The following AKNAD1 variants were observed in gnomAD, a reference collection of about 807,000 sequenced individuals.
The protein encoded by AKNAD1 is protein AKNAD1.
AKNAD1 carries 67 observed loss-of-function variants against 90.8 expected under a neutral mutation model. The ratio of observed to expected loss-of-function variants is 0.74; its 90% CI spans 0.61 to 0.90. The LOEUF (loss-of-function observed/expected upper bound fraction) is 0.90. AKNAD1 is among the 40% of genes least tolerant of loss of function. The pLI, the probability that AKNAD1 is intolerant of heterozygous loss-of-function variation, is 0.00. For missense variants in AKNAD1, 957 were observed against 975.4 expected (o/e 0.98, Z 0.25); for synonymous variants, 327 against 341.4 (o/e 0.96, Z 0.46).
chr1:108,829,229 G>C (rs1000818691), intron 10 of AKNAD1, among the ~76,000 whole-genome samples: 3 of 151,612 alleles, frequency 2.0e-5, no homozygotes, highest in African/African-American at 7.2e-5. Flanking sequence ...GATTCACTGT[G>C]AGATTTGATT....
rs201317356 is a variant in AKNAD1 at position 108,823,461 on chromosome 1, G to A, written c.2076C>T (p.Tyr692=). 3.6e-5 allele frequency: 58 copies of A among 1,613,952 alleles called. No individual in the cohort carries two copies. Among genetic ancestry groups the A allele is most frequent in the Non-Finnish European group, 4.5e-5 (53 of 1,179,818 alleles). ...TTGAGTAATTCTGTCCTGGAGTGTTGTATCTATAATGAAATTCTGGGAAGA... is the reference window on the plus strand; with the variant it reads ...TTGAGTAATTCTGTCCTGGAGTGTTATATCTATAATGAAATTCTGGGAAGA... ...KEPTKEFHYR[Y]NTPGQNYSNH... is the part of the protein sequence containing the mutation. Residue 692 remains tyrosine (Y), a synonymous_variant, in exon 13 of 16, where the codon TAC becomes TAT. Transcript: ENST00000370001.
chr1:108,853,903 T>C (rs1212525212), intron 1 of AKNAD1, among the ~76,000 whole-genome samples: 2 of 151,018 alleles, frequency 1.3e-5, no homozygotes, highest in African/African-American at 4.9e-5. Flanking sequence ...GCCACTGCAC[T>C]CCAGCCTAGG....
chr1:108,834,534 T>TAA lies in AKNAD1; in HGVS notation c.1665-7_1665-6insTT. The TAA allele has an allele frequency of 6.9e-7, 1 of 1,459,712 alleles. No individual in the cohort carries two copies. Among genetic ancestry groups the TAA allele is most frequent in the Non-Finnish European group, 9.0e-7 (1 of 1,107,234 alleles). The allele number at this position is 1,459,712 out of a possible 1,614,324, so 90.4% of individuals were successfully genotyped here. A position where few individuals can be genotyped will look rare whatever the true frequency, so the allele number is the denominator to read the frequency against. ...CATAATGACCGTTTAGGTAACTAAT[T>TAA]TAAAAAAAAAAAAAGCAGTTTGAAT... On this transcript the variant is annotated splice_region_variant and splice_polypyrimidine_tract_variant and intron_variant, in intron 8 of 15. Coordinates refer to ENST00000370001, the MANE Select transcript of AKNAD1 (RefSeq NM_152763.5).
chr1:108,825,755 C>CT (rs5776949), intron 11 of AKNAD1, among the ~76,000 whole-genome samples: 18 of 150,362 alleles, frequency 1.2e-4, no homozygotes, highest in African/African-American at 3.6e-4. Flanking sequence ...TTCCAAGGCG[C>CT]TTTTTTTTTA....
chr1:108,824,300 G>A (rs549155625), intron 11 of AKNAD1, among the ~76,000 whole-genome samples: 25 of 152,286 alleles, frequency 1.6e-4, no homozygotes, highest in African/African-American at 5.1e-4. Flanking sequence ...GGGGCCAGGC[G>A]GGTGAGCATG....
chr1:108,852,899 A>ATGATGCG, intron 1 of AKNAD1, 132 bp from the exon 2 acceptor site: 1 of 363,816 alleles, frequency 2.7e-6, no homozygotes. Flanking sequence ...CTCAACCACA[A>ATGATGCG]GCTGACCCAA....
chr1:108,858,089 G>A (rs1665098433), upstream of AKNAD1: 1 of 152,620 alleles, frequency 6.6e-6, no homozygotes, highest in African/African-American at 2.4e-5. Flanking sequence ...TATCACAGGT[G>A]AACAAGTTGA....
chr1:108,856,053 A>G (rs1258076131), intron 1 of AKNAD1, among the ~76,000 whole-genome samples: 1 of 151,594 alleles, frequency 6.6e-6, no homozygotes, highest in African/African-American at 2.4e-5. Flanking sequence ...GAGTTTCACC[A>G]TGTTATTCAG....
intron 9 of AKNAD1, among the ~76,000 whole-genome samples, chr1:108,830,977 C>G (rs1664179552): frequency 6.6e-6 from 1 of 152,208 alleles, no homozygotes; most frequent in Non-Finnish European, 1.5e-5. Flanking sequence ...TGACAGAATA[C>G]TCTCCCCTTT....
chr1:108,831,371 T>C, intron 9 of AKNAD1, among the ~76,000 whole-genome samples: 1 of 152,226 alleles, frequency 6.6e-6, no homozygotes, highest in South Asian at 2.1e-4. Context: ...CCTGAGGAAA[T>C]GTCTGGGCCA....
chr1:108,826,176 A>G (rs745447164), intron 11 of AKNAD1, among the ~76,000 whole-genome samples: 5 of 151,770 alleles, frequency 3.3e-5, no homozygotes, highest in Non-Finnish European at 7.4e-5. Context: ...TCATCTACAG[A>G]GAAGCCAGTG....
In AKNAD1 at chr1:108,851,961, T is replaced by C. The variant is rs772310438; in HGVS notation, c.704A>G (p.Lys235Arg). 4 of 1,614,230 alleles carry C rather than the reference T, an allele frequency of 2.5e-6. No homozygotes were observed. The highest frequency in any genetic ancestry group is 3.4e-6 in the Non-Finnish European group (4 of 1,180,046). The change falls in exon 2 of 16, where the codon AAA becomes AGA. Residue 235 changes from lysine (K) to arginine (R), a missense_variant. Lys to Arg is a conservative substitution (Grantham distance 26). Transcript: ENST00000370001. Reference protein sequence around the residue: ...QKSYQGQSPQKQQTEKANSGN... With the variant: ...QKSYQGQSPQRQQTEKANSGN... Reference sequence around the variant, plus strand: ...TGAATTTGCTTTTTCAGTCTGCTGTTTCTGGGGTGACTGCCCTTGATAACT... The same window carrying C: ...TGAATTTGCTTTTTCAGTCTGCTGTCTCTGGGGTGACTGCCCTTGATAACT...
intron 2 of AKNAD1, 48 bp downstream of exon 2, chr1:108,851,624 T>C (rs778234297): frequency 6.7e-6 from 10 of 1,496,764 alleles, no homozygotes; most frequent in Admixed American, 6.7e-5. Context: ...CTGAAAGAGA[T>C]AAGCAGTGGT....
At chr1:108,819,919 CAAAAA>C (rs71591113) in intron 14 of AKNAD1, among the ~76,000 whole-genome samples, 6 of 129,046 alleles carry the variant, frequency 4.6e-5, no homozygotes, top group Admixed American at 8.1e-5. Flanking sequence ...GAATTAACAG[CAAAAA>C]AAAAAAAAAA....
chr1:108,820,555 T>C lies in AKNAD1; in HGVS notation c.2239A>G (p.Thr747Ala). Reference protein sequence around the residue: ...SKSFKGEHEPTPGKKKLQAFM... With the variant: ...SKSFKGEHEPAPGKKKLQAFM... ...TGAAATAATACTTACTTTCCTGGTG[T>C]GGGCTCATGTTCACCTTTAAAGGAT... Residue 747 changes from threonine to alanine, a missense_variant, in exon 14 of 16, where the codon ACA becomes GCA. By Grantham distance (58) the Thr-to-Ala change is moderately conservative. Coordinates refer to ENST00000370001, the MANE Select transcript of AKNAD1 (RefSeq NM_152763.5). 4 of 1,602,884 alleles carry C rather than the reference T, an allele frequency of 2.5e-6. No individual in the cohort carries two copies. The highest frequency in any genetic ancestry group is 2.6e-6 in the Non-Finnish European group (3 of 1,170,472).
chr1:108,837,814 G>T, intron 6 of AKNAD1, 108 bp from the exon 7 acceptor site: 1 of 1,254,370 alleles, frequency 8.0e-7, no homozygotes, highest in Non-Finnish European at 1.1e-6. Flanking sequence ...AATGTGGCCT[G>T]TCTTCTGTCA....
Position 108,851,937 on chromosome 1 carries a change from GA to G in AKNAD1, c.727del (p.Ser243GlnfsTer26). The G allele has an allele frequency of 1.2e-6, 2 of 1,614,248 alleles. No individual in the cohort carries two copies. The highest frequency in any genetic ancestry group is 2.2e-5 in the South Asian group (2 of 91,092). ...TTGGCCGTATTTGAACGTGTTGCCT[GA>G]ATTTGCTTTTTCAGTCTGCTGTTTC... Reference protein sequence around the residue: ...PQKQQTEKANSGNTFKYGQGQ... With the variant: ...PQKQQTEKANXGNTFKYGQGQ... On this transcript the variant is annotated frameshift_variant, in exon 2 of 16. Coordinates refer to ENST00000370001, the MANE Select transcript of AKNAD1 (RefSeq NM_152763.5). LOFTEE classifies it high-confidence loss of function.
chr1:108,856,325 T>A (rs1448623821), intron 1 of AKNAD1, among the ~76,000 whole-genome samples: 1 of 152,174 alleles, frequency 6.6e-6, no homozygotes, highest in Non-Finnish European at 1.5e-5. Flanking sequence ...AAAGGAAAGA[T>A]ACTTTGTTGG....
In AKNAD1 at chr1:108,818,784, G is replaced by A. The variant is rs571539679; in HGVS notation, c.2250-1607C>T. 9.2e-5 allele frequency among the ~76,000 whole-genome samples: 14 copies of A among 151,970 alleles called. 1 individual carries two copies. Among genetic ancestry groups the A allele is most frequent in the African/African-American group, 2.4e-4 (10 of 41,424 alleles). ...TGGAGCCCAGCCTGGTCAACATAGC[G>A]AAACCCCGTCTCTACTAAAAATACA... On this transcript the variant is annotated intron_variant, in intron 14 of 15. Transcript: ENST00000370001.
Sources: gnomAD v4.1 joint callset for allele counts (sites outside exome capture counted in the v4.1 genomes callset) on GRCh38, gnomAD v4.1.1 for gene constraint, MANE v1.5 for transcripts, NCBI Gene and HGNC (gene_info 2026-07-23, HGNC 2026-07-21) for gene names.